The following NDUFA6 variants were observed in gnomAD, a reference collection of about 807,000 sequenced individuals.
The protein encoded by NDUFA6 is NADH:ubiquinone oxidoreductase subunit A6, also known as NADH dehydrogenase [ubiquinone] 1 alpha subcomplex subunit 6.
Under a neutral mutation model 12.5 loss-of-function variants are expected in NDUFA6, and 10 were observed. That is an observed-to-expected ratio of 0.80 (90% confidence interval 0.49 to 1.35). The LOEUF is 1.35. Ranked by LOEUF, NDUFA6 falls within the 40% of genes most tolerant of loss-of-function variation. NDUFA6 has a pLI of 0.00. For missense variants in NDUFA6, 177 were observed against 173.5 expected, an observed-to-expected ratio of 1.02 and a Z score of -0.11; for synonymous variants, 66 against 63.0, an observed-to-expected ratio of 1.05 and a Z score of -0.23.
rs751319054 is a variant in NDUFA6, at chr22:42,090,691, C to T, written c.54G>A (p.Lys18=). ...CGTTCATGTCCCGACTGAAAATGGG[C>T]TTCACGAAGGTGCTGGCGGTAGAAG... ...QATSTASTFV[K]PIFSRDMNEA... Residue 18 remains lysine, a synonymous_variant, in exon 1 of 3, where the codon AAG becomes AAA. Transcript: ENST00000498737. 2.5e-6 allele frequency: 4 copies of T among 1,614,078 alleles called. No homozygotes were observed. The highest frequency in any genetic ancestry group is 2.5e-6 in the Non-Finnish European group (3 of 1,180,050).
rs1200187280 is a variant in NDUFA6, at chr22:42,090,717, T to G, written c.28A>C (p.Thr10Pro). 6.2e-7 allele frequency: 1 copy of G among 1,614,096 alleles called. No individual in the cohort carries two copies. Among genetic ancestry groups the G allele is most frequent in the Non-Finnish European group, 8.5e-7 (1 of 1,180,022 alleles). Residue 10 changes from threonine to proline, a missense_variant, in exon 1 of 3, where the codon ACT becomes CCT. Physicochemically the swap from Thr to Pro is conservative, Grantham distance 38. Around this residue, in one of 3 missense-constraint regions of NDUFA6, gnomAD observed 111 missense variants for 87.2 expected, o/e 1.27. Coordinates refer to ENST00000498737, the MANE Select transcript of NDUFA6 (RefSeq NM_002490.6). Reference sequence around the variant, plus strand: ...TTCACGAAGGTGCTGGCGGTAGAAGTAGCTTGGCGGACGCCGCTCCCCGCC... The same window carrying G: ...TTCACGAAGGTGCTGGCGGTAGAAGGAGCTTGGCGGACGCCGCTCCCCGCC... MAGSGVRQA[T>P]STASTFVKPI...
In NDUFA6 at chr22:42,090,709, G is replaced by A. The variant is rs184489177; in HGVS notation, c.36C>T (p.Thr12=). ...AAATGGGCTTCACGAAGGTGCTGGCGGTAGAAGTAGCTTGGCGGACGCCGC... is the reference window on the plus strand; with the variant it reads ...AAATGGGCTTCACGAAGGTGCTGGCAGTAGAAGTAGCTTGGCGGACGCCGC... ...AGSGVRQATS[T]ASTFVKPIFS... is the part of the protein sequence containing the mutation. The change falls in exon 1 of 3, where the codon ACC becomes ACT. Residue 12 remains threonine, a synonymous_variant. Coordinates refer to ENST00000498737, the MANE Select transcript of NDUFA6 (RefSeq NM_002490.6). 31 of 1,614,178 alleles carry A rather than the reference G, an allele frequency of 1.9e-5. No homozygotes were observed. The South Asian group carries it at 3.1e-4, about 16-fold the overall frequency.
Position 42,087,129 on chromosome 22 carries a change from T to C in NDUFA6, c.186A>G (p.Lys62=), listed in dbSNP as rs2014005363. Residue 62 remains lysine (K), a synonymous_variant, in exon 2 of 3, where the codon AAA becomes AAG. Transcript: ENST00000498737. ...CATTCTTCATAAACATTTCTCGGAC[T>C]TTATCCCGTCCCATTTTCACAGTGA... The part of the protein sequence containing the change: ...LDITVKMGRD[K]VREMFMKNAH... 1 of 1,614,096 alleles carries C rather than the reference T, an allele frequency of 6.2e-7. No homozygotes were observed.
In NDUFA6 at chr22:42,085,849, T is replaced by C; in HGVS notation, c.*334A>G. 1 of 411,696 alleles carries C rather than the reference T, an allele frequency of 2.4e-6. No homozygotes were observed. Among genetic ancestry groups the C allele is most frequent in the Non-Finnish European group, 4.5e-6 (1 of 220,364 alleles). The allele number at this position is 411,696 out of a possible 1,614,324, so 25.5% of individuals were successfully genotyped here. A position where few individuals can be genotyped will look rare whatever the true frequency, so the allele number is the denominator to read the frequency against. On this transcript the variant is annotated 3_prime_UTR_variant, in exon 3 of 3. Coordinates refer to ENST00000498737, the MANE Select transcript of NDUFA6 (RefSeq NM_002490.6). ...GATAATCTGTGCCCTGACACTGAAG[T>C]GTCTAATCATAGGGGCTATAGAAAC...
rs115916491 is a variant in NDUFA6, at chr22:42,087,086, T to C, written c.229A>G (p.Arg77Gly). 3.8e-5 allele frequency: 61 copies of C among 1,613,996 alleles called. No homozygotes were observed. The African/African-American group carries it at 7.9e-4, about 21-fold the overall frequency. Residue 77 changes from arginine to glycine, a missense_variant, in exon 2 of 3, where the codon AGG becomes GGG. Physicochemically the swap from Arg to Gly is moderately radical, Grantham distance 125. Transcript: ENST00000498737. ...TTAATGACCAGAAGATCAACCACCC[T>C]GGGGTCTGTGACATGGGCATTCTTC... Reference protein sequence around the residue: ...FMKNAHVTDPRVVDLLVIKGK... With the variant: ...FMKNAHVTDPGVVDLLVIKGK...
At chr22:42,087,888 ACC>A (rs1234971568) in intron 1 of NDUFA6, among the ~76,000 whole-genome samples, 72 of 143,588 alleles carry the variant, frequency 5.0e-4, no homozygotes, top group Middle Eastern at 4.3e-3. Flanking sequence ...CAGGTGGATC[ACC>A]TGAGGTCAGG....
Position 42,090,711 on chromosome 22 carries a change from T to C in NDUFA6, c.34A>G (p.Thr12Ala), listed in dbSNP as rs1246223068. 6.2e-7 allele frequency: 1 copy of C among 1,613,946 alleles called. No individual in the cohort carries two copies. The highest frequency in any genetic ancestry group is 8.5e-7 in the Non-Finnish European group (1 of 1,180,032). The change falls in exon 1 of 3, where the codon ACC (threonine) becomes GCC (alanine). Residue 12 changes from threonine to alanine, a missense_variant. Physicochemically the swap from Thr to Ala is moderately conservative, Grantham distance 58. Coordinates refer to ENST00000498737, the MANE Select transcript of NDUFA6 (RefSeq NM_002490.6). ...AGSGVRQATS[T>A]ASTFVKPIFS... The stretch of plus-strand genomic sequence containing the variant: ...ATGGGCTTCACGAAGGTGCTGGCGG[T>C]AGAAGTAGCTTGGCGGACGCCGCTC...
chr22:42,090,480 T>G, intron 1 of NDUFA6, 126 bp downstream of exon 1: 1 of 1,204,512 alleles, frequency 8.3e-7, no homozygotes, highest in South Asian at 1.2e-5. Context: ...CCTCTTCCCC[T>G]GAAGCACCCG....
intron 1 of NDUFA6, among the ~76,000 whole-genome samples, chr22:42,088,984 T>G (rs1283491884): frequency 6.6e-6 from 1 of 151,982 alleles, no homozygotes; most frequent in Non-Finnish European, 1.5e-5. Flanking sequence ...CCCCTTCTTT[T>G]CTCTCCTCTT....
At position 42,086,207 on chromosome 22, in the gene NDUFA6, C is replaced by T; in HGVS notation, c.363G>A (p.Lys121=). The T allele has an allele frequency of 6.2e-7, 1 of 1,614,234 alleles. No individual in the cohort carries two copies. The highest frequency in any genetic ancestry group is 1.1e-5 in the South Asian group (1 of 91,092). Residue 121 remains lysine, a synonymous_variant, in exon 3 of 3, where the codon AAG becomes AAA. Coordinates refer to ENST00000498737, the MANE Select transcript of NDUFA6 (RefSeq NM_002490.6). ...EAPRPKDFLS[K]FYVGHDP The stretch of plus-strand genomic sequence containing the variant: ...TTCATGGATCGTGGCCAACATAGAA[C>T]TTGGATAGGAAATCCTTTGGCCTTG...
At chr22:42,089,396 C>T (rs1928485434) in intron 1 of NDUFA6, among the ~76,000 whole-genome samples, 1 of 151,498 alleles carries the variant, frequency 6.6e-6, no homozygotes, top group African/African-American at 2.4e-5. Context: ...ATCTGCCTGC[C>T]CCTGAAGGCA....
intron 1 of NDUFA6, among the ~76,000 whole-genome samples, chr22:42,087,750 C>G (rs1420537345): frequency 3.5e-5 from 5 of 143,060 alleles, no homozygotes; most frequent in African/African-American, 1.3e-4. Flanking sequence ...TGCAGTGAGC[C>G]GAGGTCGCAC....
chr22:42,090,581 C>T (rs760101467), intron 1 of NDUFA6, 25 bp downstream of exon 1: 10 of 1,612,272 alleles, frequency 6.2e-6, no homozygotes. Flanking sequence ...GCCTCCGGGT[C>T]CCCACGTAAG....
At chr22:42,090,511 G>A in intron 1 of NDUFA6, 95 bp downstream of exon 1, 2 of 1,437,844 alleles carry the variant, frequency 1.4e-6, no homozygotes, top group Non-Finnish European at 1.9e-6. Flanking sequence ...TGCCCAAGTT[G>A]GTGACCTCAG....
chr22:42,089,327 A>AAC (rs59418535), intron 1 of NDUFA6, among the ~76,000 whole-genome samples: 3,459 of 147,196 alleles, frequency 0.023, 69 homozygotes, highest in East Asian at 0.1. Flanking sequence ...ACCACCCCGA[A>AAC]ACACACACAC....
At chr22:42,090,489 C>A in intron 1 of NDUFA6, 117 bp downstream of exon 1, 3 of 1,269,710 alleles carry the variant, frequency 2.4e-6, no homozygotes, top group Non-Finnish European at 3.4e-6. Flanking sequence ...CTGAAGCACC[C>A]GCAGTCGCCT....
At position 42,086,249 on chromosome 22, in the gene NDUFA6, G is replaced by T. The variant is rs568409523; in HGVS notation, c.321C>A (p.Phe107Leu). 4.3e-6 allele frequency: 7 copies of T among 1,614,200 alleles called. No homozygotes were observed. The South Asian group carries it at 7.7e-5, about 18-fold the overall frequency. The change falls in exon 3 of 3, where the codon TTC (phenylalanine) becomes TTA (leucine). Residue 107 changes from phenylalanine to leucine, a missense_variant. By Grantham distance (22) the Phe-to-Leu change is conservative. Coordinates refer to ENST00000498737, the MANE Select transcript of NDUFA6 (RefSeq NM_002490.6). ...WKQRTHVMRF[F>L]HETEAPRPKD... ...TTGGCCTTGGCGCTTCTGTTTCATG[G>T]AAGAACCGCATAACATGTGTCCGCT... is the stretch of plus-strand genomic sequence containing the variant.
At chr22:42,090,571 G>A in intron 1 of NDUFA6, 35 bp downstream of exon 1, 1 of 1,610,202 alleles carries the variant, frequency 6.2e-7, no homozygotes, top group Non-Finnish European at 8.5e-7. Context: ...TTGAGCGGCG[G>A]CCTCCGGGTC....
In NDUFA6 at chr22:42,090,701, G is replaced by A. The variant is rs771575339; in HGVS notation, c.44C>T (p.Thr15Ile). 8.7e-6 allele frequency: 14 copies of A among 1,614,056 alleles called. No homozygotes were observed. In the South Asian group the frequency reaches 1.5e-4, roughly 18 times the overall value. ...CCGACTGAAAATGGGCTTCACGAAG[G>A]TGCTGGCGGTAGAAGTAGCTTGGCG... ...GVRQATSTAS[T>I]FVKPIFSRDM... Residue 15 changes from threonine (T) to isoleucine (I), a missense_variant, in exon 1 of 3, where the codon ACC becomes ATC. Physicochemically the swap from Thr to Ile is moderately conservative, Grantham distance 89. Around this residue, in one of 3 missense-constraint regions of NDUFA6, gnomAD observed 111 missense variants for 87.2 expected, o/e 1.27. Transcript: ENST00000498737.
Sources: gnomAD v4.1 joint callset for allele counts (sites outside exome capture counted in the v4.1 genomes callset) on GRCh38, gnomAD v4.1.1 for gene constraint, gnomAD v4.1.1 regional missense constraint, MANE v1.5 for transcripts, NCBI Gene and HGNC (gene_info 2026-07-23, HGNC 2026-07-21) for gene names.